Variants in MTMR7 observed in about 807,000 individuals in gnomAD.
MTMR7 encodes the protein myotubularin related protein 7.
In MTMR7, 76 loss-of-function variants were observed where a neutral mutation model predicts 81.2. The observed-to-expected ratio is 0.94, with a 90% CI of 0.78 to 1.13. The LOEUF is 1.13. MTMR7 is among the 50% of genes most tolerant of loss of function. The pLI is 0.00. For missense variants in MTMR7, 1,044 were observed against 820.0 expected, an observed-to-expected ratio of 1.27 and a Z score of -3.34; for synonymous variants, 372 against 289.8, an observed-to-expected ratio of 1.28 and a Z score of -2.88.
chr8:17,314,598 C>G (rs1817967051), intron 7 of MTMR7, among the ~76,000 whole-genome samples: 1 of 152,142 alleles, frequency 6.6e-6, no homozygotes, highest in African/African-American at 2.4e-5. Context: ...CTGTGATTTC[C>G]TGCAGCATAA....
At chr8:17,401,309 C>G (rs1821423547) in intron 1 of MTMR7, among the ~76,000 whole-genome samples, 1 of 152,096 alleles carries the variant, frequency 6.6e-6, no homozygotes, top group Non-Finnish European at 1.5e-5. Context: ...CTAAGGAAAG[C>G]AAGTTCCAGG....
In MTMR7 at chr8:17,373,215, C is replaced by G; in HGVS notation, c.50G>C (p.Arg17Pro). 6.2e-7 allele frequency: 1 copy of G among 1,612,838 alleles called. No homozygotes were observed. Among genetic ancestry groups the G allele is most frequent in the Non-Finnish European group, 8.5e-7 (1 of 1,179,470 alleles). The change falls in exon 2 of 14, where the codon CGA becomes CCA. Residue 17 changes from arginine to proline, a missense_variant. Physicochemically the swap from Arg to Pro is moderately radical, Grantham distance 103. Coordinates refer to ENST00000180173, the MANE Select transcript of MTMR7 (RefSeq NM_004686.5). ...TAGAGCTGCTTTTTTAGGAGACACT[C>G]GATCTACCAAGCGGACATTTTCAAC... is the stretch of plus-strand genomic sequence containing the variant. ...PKVENVRLVD[R>P]VSPKKAALGT...
intron 7 of MTMR7, 126 bp from the exon 8 acceptor site, chr8:17,313,527 T>C (rs1327434234): frequency 1.7e-6 from 1 of 586,492 alleles, no homozygotes; most frequent in Non-Finnish European, 2.9e-6. Context: ...AAGCAAGCCT[T>C]AAGTCAAAAT....
intron 2 of MTMR7, 54 bp downstream of exon 2, chr8:17,373,064 C>T (rs1820467588): frequency 1.2e-6 from 2 of 1,600,090 alleles, no homozygotes; most frequent in Non-Finnish European, 1.7e-6. Flanking sequence ...AGGGCAAACA[C>T]TTTTTGCTTC....
At chr8:17,303,382 CTA>C (rs1188744615) in intron 12 of MTMR7, among the ~76,000 whole-genome samples, 1 of 152,052 alleles carries the variant, frequency 6.6e-6, no homozygotes, top group Non-Finnish European at 1.5e-5. Flanking sequence ...GAAACGAAAT[CTA>C]TACAGGGAGA....
intron 1 of MTMR7, among the ~76,000 whole-genome samples, chr8:17,409,767 G>A (rs1416881224): frequency 6.6e-6 from 1 of 152,190 alleles, no homozygotes; most frequent in African/African-American, 2.4e-5. Context: ...TTGGACAACA[G>A]CCTGAGAAAT....
chr8:17,396,653 C>T (rs1184794307), intron 1 of MTMR7, among the ~76,000 whole-genome samples: 2 of 152,036 alleles, frequency 1.3e-5, no homozygotes, highest in Admixed American at 6.5e-5. Flanking sequence ...CAATCCGGGA[C>T]ACAGGACTGC....
chr8:17,321,180 G>T lies in MTMR7; in HGVS notation c.866-7779C>A, dbSNP rs563703672. ...TTCTCTTCCCACAAGGCATGGAAATGACTGCAAGTTTAAAAATAAAGACAC... is the reference window on the plus strand; with the variant it reads ...TTCTCTTCCCACAAGGCATGGAAATTACTGCAAGTTTAAAAATAAAGACAC... On this transcript the variant is annotated intron_variant, in intron 7 of 13. Transcript: ENST00000180173. 9.2e-5 allele frequency among the ~76,000 whole-genome samples: 14 copies of T among 152,314 alleles called. 1 individual carries two copies. In the South Asian group the frequency reaches 2.7e-3, roughly 29 times the overall value.
At chr8:17,316,566 C>T (rs1818084809) in intron 7 of MTMR7, among the ~76,000 whole-genome samples, 1 of 151,932 alleles carries the variant, frequency 6.6e-6, no homozygotes, top group African/African-American at 2.4e-5. Flanking sequence ...CCTAAGTCTT[C>T]AGCTCTATCA....
At chr8:17,412,109 A>G (rs1481118368) in intron 1 of MTMR7, among the ~76,000 whole-genome samples, 1 of 152,246 alleles carries the variant, frequency 6.6e-6, no homozygotes, top group Admixed American at 6.5e-5. Context: ...TGCAAAATCA[A>G]TACAATTTAA....
intron 7 of MTMR7, among the ~76,000 whole-genome samples, chr8:17,317,514 G>T (rs535299921): frequency 6.7e-6 from 1 of 148,200 alleles, no homozygotes; most frequent in Admixed American, 6.6e-5. Flanking sequence ...TTCCAGCTTT[G>T]CCTGGTACTC....
intron 1 of MTMR7, among the ~76,000 whole-genome samples, chr8:17,396,372 C>T (rs187087993): frequency 1.2e-4 from 19 of 152,188 alleles, no homozygotes; most frequent in African/African-American, 4.6e-4. Context: ...TGTCCCCCAT[C>T]CCCTGGTAGT....
chr8:17,316,603 G>A (rs188586278), intron 7 of MTMR7, among the ~76,000 whole-genome samples: 97 of 151,938 alleles, frequency 6.4e-4, no homozygotes, highest in African/African-American at 2.3e-3. Flanking sequence ...TGTATTCTCG[G>A]GTTCCACATC....
At chr8:17,402,031 T>C (rs945653014) in intron 1 of MTMR7, among the ~76,000 whole-genome samples, 1 of 152,200 alleles carries the variant, frequency 6.6e-6, no homozygotes, top group African/African-American at 2.4e-5. Context: ...TTGAAAGTAG[T>C]CTGATATAAA....
At chr8:17,400,230 T>A (rs1821387113) in intron 1 of MTMR7, among the ~76,000 whole-genome samples, 1 of 152,216 alleles carries the variant, frequency 6.6e-6, no homozygotes, top group Admixed American at 6.5e-5. Context: ...ACACTATAGC[T>A]ACTGTGCTAG....
At chr8:17,300,756 T>G (rs754288543) in intron 13 of MTMR7, among the ~76,000 whole-genome samples, 2 of 152,198 alleles carry the variant, frequency 1.3e-5, no homozygotes, top group African/African-American at 4.8e-5. Flanking sequence ...CCATACTCAT[T>G]AGCAGTCATT....
intron 6 of MTMR7, among the ~76,000 whole-genome samples, chr8:17,337,750 G>C (rs577144692): frequency 1.9e-4 from 29 of 152,234 alleles, no homozygotes; most frequent in Middle Eastern, 6.8e-3. Context: ...CAAATAGCTG[G>C]GACTACAGGC....
At chr8:17,360,889 C>T (rs1251427778) in intron 4 of MTMR7, among the ~76,000 whole-genome samples, 1 of 152,118 alleles carries the variant, frequency 6.6e-6, no homozygotes, top group African/African-American at 2.4e-5. Context: ...AGTTCTGCAA[C>T]CGTGAGATGA....
At chr8:17,345,460 T>C (rs1018349688) in intron 5 of MTMR7, among the ~76,000 whole-genome samples, 9 of 152,134 alleles carry the variant, frequency 5.9e-5, no homozygotes, top group Non-Finnish European at 1.2e-4. Flanking sequence ...CAGCGCAACC[T>C]CATGTGCCCC....
Sources: gnomAD v4.1 joint callset for allele counts (sites outside exome capture counted in the v4.1 genomes callset) on GRCh38, gnomAD v4.1.1 for gene constraint, MANE v1.5 for transcripts, NCBI Gene and HGNC (gene_info 2026-07-23, HGNC 2026-07-21) for gene names.